Variants in TPRG1 observed in about 807,000 individuals in gnomAD.
TPRG1 encodes tumor protein p63 regulated 1.
In TPRG1, 29 loss-of-function variants were observed where a neutral mutation model predicts 29.3. The observed-to-expected ratio is 0.99, with a 90% CI of 0.74 to 1.35. The LOEUF is 1.35. Ranked by LOEUF, TPRG1 falls within the 40% of genes most tolerant of loss-of-function variation. The pLI, the probability that TPRG1 is intolerant of heterozygous loss-of-function variation, is 0.00. For synonymous variants in TPRG1, 130 were observed against 116.8 expected, an observed-to-expected ratio of 1.11 and a Z score of -0.73; for missense variants, 327 against 335.0, an observed-to-expected ratio of 0.98 and a Z score of 0.19.
chr3:189,237,575 TG>T (rs1739729676), intron 3 of TPRG1, among the ~76,000 whole-genome samples: 1 of 152,162 alleles, frequency 6.6e-6, no homozygotes, highest in South Asian at 2.1e-4. Flanking sequence ...AACCATGACT[TG>T]AACAATGAGT....
At chr3:189,220,279 GAT>G (rs35296198) in intron 3 of TPRG1, among the ~76,000 whole-genome samples, 1 of 150,222 alleles carries the variant, frequency 6.7e-6, no homozygotes, top group Non-Finnish European at 1.5e-5. Flanking sequence ...TTTAATTTTT[GAT>G]ATATATATAT....
intron 3 of TPRG1, among the ~76,000 whole-genome samples, chr3:189,016,002 A>G (rs1317796664): frequency 6.6e-6 from 1 of 152,068 alleles, no homozygotes; most frequent in Admixed American, 6.5e-5. Flanking sequence ...GAAGGCTACC[A>G]TCCTCCAGAC....
intron 4 of TPRG1, among the ~76,000 whole-genome samples, chr3:189,285,114 T>C (rs1299719001): frequency 6.6e-6 from 1 of 152,048 alleles, no homozygotes; most frequent in Non-Finnish European, 1.5e-5. Flanking sequence ...AACAACCCCA[T>C]CAACAAGTGG....
upstream of TPRG1, chr3:189,171,911 C>T (rs1030341571): frequency 2.0e-5 from 3 of 152,194 alleles, no homozygotes; most frequent in African/African-American, 7.2e-5. Flanking sequence ...TGAGTTCCAC[C>T]CTGTAAACAT....
intron 3 of TPRG1, among the ~76,000 whole-genome samples, chr3:189,142,998 G>C (rs1724776879): frequency 6.6e-6 from 1 of 152,120 alleles, no homozygotes; most frequent in Admixed American, 6.5e-5. Flanking sequence ...CATTTAGCTA[G>C]AGAACAAGTA....
intron 3 of TPRG1, among the ~76,000 whole-genome samples, chr3:189,146,087 A>G (rs1725225631): frequency 6.6e-6 from 1 of 152,232 alleles, no homozygotes; most frequent in Admixed American, 6.5e-5. Flanking sequence ...TGTAATAGTC[A>G]GAGCTTTACT....
chr3:189,279,941 A>G (rs1334327009), intron 4 of TPRG1, among the ~76,000 whole-genome samples: 1 of 152,162 alleles, frequency 6.6e-6, no homozygotes, highest in Non-Finnish European at 1.5e-5. Flanking sequence ...TAGGCAGAAG[A>G]GTTAGAGGAA....
intron 4 of TPRG1, among the ~76,000 whole-genome samples, chr3:189,074,710 TTTCA>T (rs1364066467): frequency 1.3e-5 from 2 of 152,242 alleles, no homozygotes; most frequent in Non-Finnish European, 2.9e-5. Flanking sequence ...CCATATATTC[TTTCA>T]TTAATTATGC....
intron 4 of TPRG1, among the ~76,000 whole-genome samples, chr3:189,079,948 C>T (rs1167439095): frequency 1.3e-5 from 2 of 152,258 alleles, no homozygotes; most frequent in Non-Finnish European, 2.9e-5. Context: ...TGCTTTGTAC[C>T]TGATACTTTT....
At chr3:189,011,121 A>C (rs919376011) in intron 3 of TPRG1, among the ~76,000 whole-genome samples, 3 of 152,138 alleles carry the variant, frequency 2.0e-5, no homozygotes, top group Non-Finnish European at 4.4e-5. Flanking sequence ...AGATTGATCT[A>C]TATGTCTGTT....
intron 4 of TPRG1, among the ~76,000 whole-genome samples, chr3:189,032,970 G>A (rs1006086243): frequency 6.6e-6 from 1 of 151,894 alleles, no homozygotes; most frequent in African/African-American, 2.4e-5. Flanking sequence ...GTGTATATGT[G>A]CCACATTTTC....
At chr3:189,022,192 T>C (rs1441451450) in intron 3 of TPRG1, among the ~76,000 whole-genome samples, 2 of 152,190 alleles carry the variant, frequency 1.3e-5, no homozygotes, top group Non-Finnish European at 2.9e-5. Flanking sequence ...CTCCCGTAGC[T>C]CAGAGTAATT....
Position 189,238,920 on chromosome 3 carries a change from A to G in TPRG1, c.479+11A>G, listed in dbSNP as rs1272169574. On this transcript the variant is annotated intron_variant, in intron 4 of 5. Coordinates refer to ENST00000345063, the MANE Select transcript of TPRG1 (RefSeq NM_198485.4). ...GATGTCCCTGGACAAGTGAGTATATATCTTATACTTGAAGAAGTGGTGCAG... is the reference window on the plus strand; with the variant it reads ...GATGTCCCTGGACAAGTGAGTATATGTCTTATACTTGAAGAAGTGGTGCAG... 1 of 1,582,048 alleles carries G rather than the reference A, an allele frequency of 6.3e-7. No individual in the cohort carries two copies. The highest frequency in any genetic ancestry group is 8.6e-7 in the Non-Finnish European group (1 of 1,158,846).
At chr3:189,262,925 A>G (rs555760744) in intron 4 of TPRG1, among the ~76,000 whole-genome samples, 1 of 152,346 alleles carries the variant, frequency 6.6e-6, no homozygotes, top group South Asian at 2.1e-4. Context: ...CCTTTCCGTG[A>G]GGCTGCTGAC....
chr3:189,086,526 A>ATTT (rs111588968), intron 4 of TPRG1, among the ~76,000 whole-genome samples: 1 of 137,212 alleles, frequency 7.3e-6, no homozygotes, highest in Non-Finnish European at 1.6e-5. Flanking sequence ...CACCCAGCTA[A>ATTT]TTTTTTTTTT....
intron 4 of TPRG1, among the ~76,000 whole-genome samples, chr3:189,063,125 A>G (rs1418744245): frequency 3.9e-5 from 6 of 152,168 alleles, no homozygotes. Context: ...AATATCTAAT[A>G]AAGTGGACTT....
chr3:189,180,331 G>A (rs1186308465), intron 1 of TPRG1, among the ~76,000 whole-genome samples: 1 of 152,048 alleles, frequency 6.6e-6, no homozygotes, highest in African/African-American at 2.4e-5. Context: ...ACTAATTCCA[G>A]TATTAACTCA....
intron 4 of TPRG1, among the ~76,000 whole-genome samples, chr3:189,028,419 C>G (rs1367900922): frequency 6.6e-6 from 1 of 152,200 alleles, no homozygotes; most frequent in Non-Finnish European, 1.5e-5. Context: ...GACAGGGTCA[C>G]TTTTGCTGTC....
intron 2 of TPRG1, among the ~76,000 whole-genome samples, chr3:189,127,632 C>G (rs1722636423): frequency 6.6e-6 from 1 of 152,148 alleles, no homozygotes; most frequent in South Asian, 2.1e-4. Flanking sequence ...TGTGGCTATA[C>G]TCCCAGGTAA....
Sources: gnomAD v4.1 joint callset for allele counts (sites outside exome capture counted in the v4.1 genomes callset) on GRCh38, gnomAD v4.1.1 for gene constraint, MANE v1.5 for transcripts, NCBI Gene and HGNC (gene_info 2026-07-23, HGNC 2026-07-21) for gene names.